Variants in PDE4B observed in about 807,000 individuals in gnomAD.
PDE4B encodes 3',5'-cyclic-AMP phosphodiesterase 4B.
PDE4B carries 20 observed loss-of-function variants against 82.2 expected under a neutral mutation model. That is an observed-to-expected ratio of 0.24 (90% CI 0.17 to 0.35). PDE4B has a LOEUF of 0.35. Ranked by LOEUF, PDE4B falls within the 10% of genes least tolerant of loss-of-function variation. The pLI is 1.00. For synonymous variants in PDE4B, 320 were observed against 318.9 expected (o/e 1.00, Z -0.04); for missense variants, 655 against 907.2 (o/e 0.72, Z 3.57).
At chr1:66,212,170 C>T (rs1650102783) in intron 3 of PDE4B, among the ~76,000 whole-genome samples, 1 of 152,180 alleles carries the variant, frequency 6.6e-6, no homozygotes, top group Non-Finnish European at 1.5e-5. Flanking sequence ...CCCCACTGTC[C>T]TTCATGGCCA....
intron 3 of PDE4B, among the ~76,000 whole-genome samples, chr1:66,205,800 G>A (rs918596787): frequency 3.3e-5 from 5 of 152,204 alleles, no homozygotes; most frequent in Non-Finnish European, 4.4e-5. Context: ...TACAACTAGT[G>A]AATGGTCCTC....
rs1465967344 is a variant in PDE4B at position 65,924,429 on chromosome 1, TA to T, written c.281+5596del. ...TGTTATTAAACCTATTATATTTTTT[TA>T]ATTTTGATTATTGTATTTTTACATT... On this transcript the variant is annotated intron_variant, in intron 3 of 16. Coordinates refer to ENST00000341517, the MANE Select transcript of PDE4B (RefSeq NM_002600.4). Among the ~76,000 whole-genome samples the T allele has an allele frequency of 2.0e-5, 3 of 152,298 alleles. No individual in the cohort carries two copies. In the East Asian group the frequency reaches 5.8e-4, roughly 29 times the overall value.
intron 1 of PDE4B, among the ~76,000 whole-genome samples, chr1:65,907,353 T>C (rs1647038396): frequency 6.6e-6 from 1 of 152,170 alleles, no homozygotes; most frequent in Non-Finnish European, 1.5e-5. Context: ...TTTTATAGTT[T>C]GTGTTTATTT....
At chr1:66,232,925 A>G (rs1233976636) in intron 3 of PDE4B, among the ~76,000 whole-genome samples, 1 of 152,234 alleles carries the variant, frequency 6.6e-6, no homozygotes, top group Non-Finnish European at 1.5e-5. Flanking sequence ...ATTGCCGGAA[A>G]ATGAGGCAAT....
intron 3 of PDE4B, among the ~76,000 whole-genome samples, chr1:65,942,431 A>G (rs1015352346): frequency 6.6e-6 from 1 of 151,716 alleles, no homozygotes; most frequent in African/African-American, 2.4e-5. Flanking sequence ...CTGTTCATCC[A>G]TTGATAGACA....
chr1:66,195,082 T>G (rs1352756730), intron 3 of PDE4B, among the ~76,000 whole-genome samples: 1 of 152,160 alleles, frequency 6.6e-6, no homozygotes, highest in Non-Finnish European at 1.5e-5. Flanking sequence ...AATCTACACA[T>G]GAGTTTCCTA....
intron 7 of PDE4B, among the ~76,000 whole-genome samples, chr1:66,328,398 T>C (rs577994560): frequency 2.0e-5 from 3 of 152,290 alleles, no homozygotes; most frequent in African/African-American, 7.2e-5. Context: ...GTGTTAAACA[T>C]TGTTTCTTTT....
intron 3 of PDE4B, among the ~76,000 whole-genome samples, chr1:66,164,554 AAAAAAAAAG>A: frequency 6.8e-6 from 1 of 147,090 alleles, no homozygotes; most frequent in African/African-American, 2.5e-5. Context: ...AAAAAAAAAA[AAAAAAAAAG>A]AAAGAAAGAA....
Position 66,070,443 on chromosome 1 carries a change from G to A in PDE4B, c.281+151608G>A, listed in dbSNP as rs1185999601. ...AAAAGTAGATGGAGTGGGAAGCTGG[G>A]GGCGGTGAAAGGTGGTAAAGTGAGA... On this transcript the variant is annotated intron_variant, in intron 3 of 16. Transcript: ENST00000341517. Among the ~76,000 whole-genome samples, 4 of 151,916 alleles carry A rather than the reference G, an allele frequency of 2.6e-5. No homozygotes were observed. In the East Asian group the frequency reaches 7.7e-4, roughly 29 times the overall value.
intron 3 of PDE4B, among the ~76,000 whole-genome samples, chr1:65,978,646 T>C (rs1650534616): frequency 6.6e-6 from 1 of 152,208 alleles, no homozygotes; most frequent in South Asian, 2.1e-4. Context: ...TTAATAAAAA[T>C]ATCAAGAGTA....
chr1:66,240,824 T>TAGGGG (rs11282308), intron 3 of PDE4B, among the ~76,000 whole-genome samples: 28,587 of 152,006 alleles, frequency 0.19, 5,332 homozygotes, highest in African/African-American at 0.47. Context: ...TGTCTAATCT[T>TAGGGG]GTACCTCAGG....
chr1:65,819,087 A>G (rs1337293700), intron 1 of PDE4B, among the ~76,000 whole-genome samples: 1 of 152,188 alleles, frequency 6.6e-6, no homozygotes, highest in Non-Finnish European at 1.5e-5. Flanking sequence ...TTGCCATAGC[A>G]GAAGGAGAAG....
chr1:66,204,271 C>T (rs1471248218), intron 3 of PDE4B, among the ~76,000 whole-genome samples: 1 of 152,256 alleles, frequency 6.6e-6, no homozygotes, highest in African/African-American at 2.4e-5. Context: ...GGCAGTACCT[C>T]CCAGTTAGGC....
intron 3 of PDE4B, among the ~76,000 whole-genome samples, chr1:66,076,135 A>G (rs1656424498): frequency 6.6e-6 from 1 of 152,030 alleles, no homozygotes; most frequent in Middle Eastern, 3.2e-3. Flanking sequence ...CCATCTCCCA[A>G]GTAGGAAACA....
At chr1:66,055,587 G>T (rs1318320047) in intron 3 of PDE4B, among the ~76,000 whole-genome samples, 2 of 152,006 alleles carry the variant, frequency 1.3e-5, no homozygotes, top group African/African-American at 2.4e-5. Flanking sequence ...TCAGGAATAA[G>T]AAATTATTTT....
chr1:65,911,067 G>A (rs964466584), intron 1 of PDE4B, among the ~76,000 whole-genome samples: 4 of 152,034 alleles, frequency 2.6e-5, no homozygotes, highest in Admixed American at 6.6e-5. Flanking sequence ...ACATGTGTCC[G>A]ATTGAAGGCA....
intron 3 of PDE4B, among the ~76,000 whole-genome samples, chr1:66,226,196 A>G (rs1319655848): frequency 6.6e-6 from 1 of 152,152 alleles, no homozygotes; most frequent in Non-Finnish European, 1.5e-5. Context: ...ACTTTTTATT[A>G]TCTTTCTATC....
intron 7 of PDE4B, 192 bp from the exon 8 acceptor site, chr1:66,332,316 A>G: frequency 6.4e-7 from 1 of 1,574,652 alleles, no homozygotes; most frequent in African/African-American, 1.3e-5. Flanking sequence ...GGCACCAGCC[A>G]TCCCAGGCAG....
At chr1:65,823,095 C>G (rs913115596) in intron 1 of PDE4B, among the ~76,000 whole-genome samples, 31 of 152,036 alleles carry the variant, frequency 2.0e-4, no homozygotes, top group African/African-American at 7.0e-4. Context: ...TGTTCATCTG[C>G]ATTTTAAAAA....
Sources: allele counts gnomAD v4.1 joint callset (sites outside exome capture counted in the v4.1 genomes callset), GRCh38; gene constraint gnomAD v4.1.1; transcripts MANE v1.5; gene names NCBI Gene and HGNC (gene_info 2026-07-23, HGNC 2026-07-21).